Variants in ANK3 observed in about 807,000 individuals in gnomAD.
ANK3 encodes ankyrin 3, also known as ankyrin-3.
ANK3 carries 57 observed loss-of-function variants against 370.9 expected under a neutral mutation model. The ratio of observed to expected loss-of-function variants is 0.15; its 90% CI spans 0.12 to 0.19. The LOEUF (loss-of-function observed/expected upper bound fraction) is 0.19. Ranked by LOEUF, ANK3 falls within the 10% of genes least tolerant of loss-of-function variation. The pLI is 1.00. For synonymous variants in ANK3, 1,929 were observed against 1,946.3 expected (o/e 0.99, Z 0.23); for missense variants, 4,439 against 5,302.1 (o/e 0.84, Z 5.06).
Position 60,120,005 on chromosome 10 carries a change from A to G in ANK3, c.2842-5674T>C, listed in dbSNP as rs565569775. On this transcript the variant is annotated intron_variant, in intron 25 of 43. Transcript: ENST00000280772. ...ACTACAAAAGACTCAGAACAGCCAAAGCTATCCTAAGTAAAAAGAACAAAA... is the reference window on the plus strand; with the variant it reads ...ACTACAAAAGACTCAGAACAGCCAAGGCTATCCTAAGTAAAAAGAACAAAA... Among the ~76,000 whole-genome samples, 3 of 152,314 alleles carry G rather than the reference A, an allele frequency of 2.0e-5. No individual in the cohort carries two copies. In the East Asian group the frequency reaches 5.8e-4, roughly 29 times the overall value.
intron 42 of ANK3, chr10:60,043,712 C>T (rs1375837710): frequency 1.0e-6 from 1 of 985,270 alleles, no homozygotes; most frequent in African/African-American, 1.7e-5. Flanking sequence ...GCTCTCCGCC[C>T]CTGTCCCAAC....
At chr10:60,256,176 T>C (rs1276003783) in intron 7 of ANK3, among the ~76,000 whole-genome samples, 1 of 152,252 alleles carries the variant, frequency 6.6e-6, no homozygotes, top group African/African-American at 2.4e-5. Flanking sequence ...GATGCAGCTA[T>C]GCTTTGGGGA....
At chr10:60,553,509 T>C (rs1292933613) in intron 2 of ANK3, among the ~76,000 whole-genome samples, 1 of 152,214 alleles carries the variant, frequency 6.6e-6, no homozygotes, top group Non-Finnish European at 1.5e-5. Context: ...TCTGAAATTC[T>C]ACCTCCATTT....
chr10:60,693,430 C>A (rs2133405975), intron 1 of ANK3, among the ~76,000 whole-genome samples: 1 of 152,350 alleles, frequency 6.6e-6, no homozygotes, highest in East Asian at 1.9e-4. Context: ...CCTCTGTAGG[C>A]TCCACCTCTG....
At chr10:60,152,062 G>C (rs1390870485) in intron 23 of ANK3, among the ~76,000 whole-genome samples, 1 of 152,108 alleles carries the variant, frequency 6.6e-6, no homozygotes, top group African/African-American at 2.4e-5. Context: ...TCCTGAGGGG[G>C]GACAGAGACA....
intron 7 of ANK3, among the ~76,000 whole-genome samples, chr10:60,252,048 T>C (rs1039839791): frequency 1.8e-4 from 28 of 152,232 alleles, no homozygotes; most frequent in African/African-American, 6.8e-4. Context: ...GCTGATCTTC[T>C]ATCTGAATTT....
intron 43 of ANK3, among the ~76,000 whole-genome samples, chr10:60,038,671 A>G (rs1484335107): frequency 1.3e-5 from 2 of 151,732 alleles, no homozygotes; most frequent in East Asian, 1.9e-4. Flanking sequence ...CCTCTGGCCT[A>G]CAGGGCTCTG....
chr10:60,582,904 C>T (rs1428575221), intron 2 of ANK3, among the ~76,000 whole-genome samples: 1 of 152,034 alleles, frequency 6.6e-6, no homozygotes, highest in Non-Finnish European at 1.5e-5. Flanking sequence ...GAAAAGATTG[C>T]TGGTAGGACT....
At chr10:60,511,860 G>A (rs928593767) in intron 2 of ANK3, among the ~76,000 whole-genome samples, 3 of 151,364 alleles carry the variant, frequency 2.0e-5, no homozygotes, top group African/African-American at 4.9e-5. Context: ...CCTATCTAAA[G>A]AGAGATTCAA....
chr10:60,389,302 A>T, intron 1 of ANK3, 123 bp downstream of exon 1: 1 of 905,928 alleles, frequency 1.1e-6, no homozygotes. Context: ...TTCCCAATTT[A>T]CACACCCAAT....
At chr10:60,304,255 A>AACAC (rs55989975) in intron 1 of ANK3, among the ~76,000 whole-genome samples, 14,657 of 150,186 alleles carry the variant, frequency 0.098, 871 homozygotes, top group Non-Finnish European at 0.14. Flanking sequence ...AATTGTTCAT[A>AACAC]ACACACACAC....
At position 60,618,614 on chromosome 10, in the gene ANK3, T is replaced by C. The variant is rs115067699; in HGVS notation, c.58-3390A>G. 2.5e-3 allele frequency among the ~76,000 whole-genome samples: 386 copies of C among 152,204 alleles called. 2 individuals carry two copies. The highest frequency in any genetic ancestry group is 8.8e-3 in the African/African-American group (365 of 41,520). On this transcript the variant is annotated intron_variant, in intron 1 of 43. Coordinates refer to the ANK3 transcript ENST00000373827. ...GAGTTAGCAGGTAAGAAGGAGATGG[T>C]GGTAAACAGCAAGGTAGAAGGAGAA...
intron 2 of ANK3, among the ~76,000 whole-genome samples, chr10:60,575,979 T>C (rs193278043): frequency 6.6e-6 from 1 of 152,304 alleles, no homozygotes; most frequent in East Asian, 1.9e-4. Context: ...AGTAATTTGA[T>C]TGACCTAAAA....
At chr10:60,288,766 T>C (rs2040614752) in intron 1 of ANK3, among the ~76,000 whole-genome samples, 1 of 152,044 alleles carries the variant, frequency 6.6e-6, no homozygotes, top group Non-Finnish European at 1.5e-5. Context: ...AAAGACATCA[T>C]TGAAAGCTAT....
At chr10:60,298,902 C>A (rs2043099844) in intron 1 of ANK3, among the ~76,000 whole-genome samples, 1 of 152,170 alleles carries the variant, frequency 6.6e-6, no homozygotes, top group Non-Finnish European at 1.5e-5. Context: ...AATTTATGAT[C>A]ATGCATATGC....
In ANK3 at chr10:60,513,063, AT is replaced by A. The variant is rs540444845; in HGVS notation, c.96+102122del. ...AAATAAAAAATTGACAGAAATCTGA[AT>A]TTGTTTCAAGAGGTTCATACCTTTA... On this transcript the variant is annotated intron_variant, in intron 2 of 43. Transcript: ENST00000373827. Among the ~76,000 whole-genome samples, 595 of 152,280 alleles carry A rather than the reference AT, an allele frequency of 3.9e-3. 2 individuals are homozygous for A. The highest frequency in any genetic ancestry group is 0.014 in the African/African-American group (574 of 41,586).
intron 28 of ANK3, among the ~76,000 whole-genome samples, chr10:60,098,183 C>A (rs2090515029): frequency 6.6e-6 from 1 of 152,140 alleles, no homozygotes; most frequent in South Asian, 2.1e-4. Context: ...CAGCACAATT[C>A]TGTTCACATA....
At chr10:60,040,025 G>C (rs949415819) in intron 43 of ANK3, among the ~76,000 whole-genome samples, 3 of 152,150 alleles carry the variant, frequency 2.0e-5, no homozygotes, top group Non-Finnish European at 4.4e-5. Flanking sequence ...TGCCTGACTT[G>C]CCTTAAGGCT....
chr10:60,065,129 TATG>T (rs2081384527), intron 38 of ANK3, among the ~76,000 whole-genome samples: 1 of 152,200 alleles, frequency 6.6e-6, no homozygotes, highest in African/African-American at 2.4e-5. Flanking sequence ...GATCATCTTA[TATG>T]ATATGAAGCT....
Sources: allele counts gnomAD v4.1 joint callset (sites outside exome capture counted in the v4.1 genomes callset), GRCh38; gene constraint gnomAD v4.1.1; transcripts MANE v1.5; gene names NCBI Gene and HGNC (gene_info 2026-07-23, HGNC 2026-07-21).